Variants in SGCZ observed in about 807,000 individuals in gnomAD.
SGCZ encodes the protein zeta-sarcoglycan.
In SGCZ, 40 loss-of-function variants were observed where a neutral mutation model predicts 41.3. The ratio of observed to expected loss-of-function variants is 0.97; its 90% CI spans 0.75 to 1.26. SGCZ has a LOEUF of 1.26. SGCZ is among the 50% of genes most tolerant of loss of function. SGCZ has a pLI of 0.00. For synonymous variants in SGCZ, 206 were observed against 137.5 expected (o/e 1.50, Z -3.49); for missense variants, 552 against 369.8 (o/e 1.49, Z -4.04).
At chr8:15,209,994 T>A (rs574120030) in intron 1 of SGCZ, among the ~76,000 whole-genome samples, 95 of 152,264 alleles carry the variant, frequency 6.2e-4, no homozygotes, top group South Asian at 2.1e-3. Context: ...ATTTAAAAAA[T>A]CATTTCTCTT....
intron 5 of SGCZ, among the ~76,000 whole-genome samples, chr8:14,144,027 C>A (rs1033714499): frequency 1.3e-5 from 2 of 152,086 alleles, no homozygotes; most frequent in African/African-American, 4.8e-5. Context: ...CTCTGTGTCT[C>A]CAAATAAACT....
intron 2 of SGCZ, among the ~76,000 whole-genome samples, chr8:14,449,655 G>C (rs1800535113): frequency 6.6e-6 from 1 of 152,104 alleles, no homozygotes; most frequent in Admixed American, 6.6e-5. Context: ...TAGATCTAAA[G>C]ATAGACCCCG....
intron 2 of SGCZ, among the ~76,000 whole-genome samples, chr8:14,439,096 A>C (rs1800171907): frequency 6.6e-6 from 1 of 152,008 alleles, no homozygotes; most frequent in African/African-American, 2.4e-5. Context: ...GATAACATCA[A>C]GGAGGAAAAG....
At chr8:14,652,208 G>A (rs998273717) in intron 1 of SGCZ, among the ~76,000 whole-genome samples, 1 of 151,442 alleles carries the variant, frequency 6.6e-6, no homozygotes, top group African/African-American at 2.4e-5. Flanking sequence ...GGGCGTGGTG[G>A]CGAATGCATG....
chr8:14,195,195 G>A (rs1314930981), intron 4 of SGCZ, among the ~76,000 whole-genome samples: 39 of 152,016 alleles, frequency 2.6e-4, no homozygotes, highest in Admixed American at 2.6e-3. Flanking sequence ...TTAAAAACAT[G>A]TATTATAACT....
rs552745803 is a variant in SGCZ at position 14,936,828 on chromosome 8, TA to T, written c.39+300756del. Among the ~76,000 whole-genome samples the T allele has an allele frequency of 4.1e-3, 616 of 151,894 alleles. 4 individuals are homozygous for T. Among genetic ancestry groups the T allele is most frequent in the African/African-American group, 0.014 (601 of 41,508 alleles). ...TAATGATTCAAAAAACAAATCAAGA[TA>T]AAAATAAAATCTCAAAATATTCCAT... On this transcript the variant is annotated intron_variant, in intron 1 of 7. Coordinates refer to ENST00000382080, the MANE Select transcript of SGCZ (RefSeq NM_139167.4).
chr8:14,122,234 G>T (rs1363189240), intron 5 of SGCZ, among the ~76,000 whole-genome samples: 1 of 152,078 alleles, frequency 6.6e-6, no homozygotes, highest in Non-Finnish European at 1.5e-5. Context: ...CTGAGATTGC[G>T]CCACTGCACT....
chr8:15,034,705 G>A (rs566530937), intron 1 of SGCZ, among the ~76,000 whole-genome samples: 2 of 152,178 alleles, frequency 1.3e-5, no homozygotes, highest in African/African-American at 4.8e-5. Context: ...GACCCTGAAA[G>A]CAGCATGAGA....
intron 1 of SGCZ, among the ~76,000 whole-genome samples, chr8:14,930,491 T>C (rs939005635): frequency 1.3e-5 from 2 of 152,048 alleles, no homozygotes; most frequent in Non-Finnish European, 2.9e-5. Context: ...ACTGGGTATA[T>C]ACCCAAAGGA....
At chr8:14,545,906 G>A (rs946745429) in intron 2 of SGCZ, among the ~76,000 whole-genome samples, 3 of 152,094 alleles carry the variant, frequency 2.0e-5, no homozygotes, top group Non-Finnish European at 4.4e-5. Flanking sequence ...TTTATCTTAT[G>A]CCACAATTCT....
intron 2 of SGCZ, among the ~76,000 whole-genome samples, chr8:14,328,494 T>C (rs762990652): frequency 6.6e-6 from 1 of 152,174 alleles, no homozygotes; most frequent in African/African-American, 2.4e-5. Context: ...AAGTTATGTG[T>C]CTATGATAAA....
chr8:14,634,011 T>C (rs185059051), intron 1 of SGCZ, among the ~76,000 whole-genome samples: 2 of 152,044 alleles, frequency 1.3e-5, no homozygotes, highest in African/African-American at 4.8e-5. Flanking sequence ...ATGATTCTAA[T>C]ACATTTTCCA....
intron 1 of SGCZ, among the ~76,000 whole-genome samples, chr8:15,049,821 G>A (rs560122479): frequency 5.9e-5 from 9 of 152,136 alleles, no homozygotes; most frequent in African/African-American, 2.2e-4. Context: ...TAAGTCTCAT[G>A]AGATCTGATG....
chr8:14,831,399 C>G (rs375537911), intron 1 of SGCZ, among the ~76,000 whole-genome samples: 2 of 152,264 alleles, frequency 1.3e-5, no homozygotes, highest in East Asian at 3.9e-4. Flanking sequence ...CTGGGGCTAC[C>G]ATGACTCCAC....
In SGCZ at chr8:14,708,271, T is replaced by A. The variant is rs145641252; in HGVS notation, c.40-153345A>T. 1.8e-3 allele frequency among the ~76,000 whole-genome samples: 279 copies of A among 152,190 alleles called. 3 individuals are homozygous for A. In the East Asian group the frequency reaches 0.021, roughly 11 times the overall value. On this transcript the variant is annotated intron_variant, in intron 1 of 7. Transcript: ENST00000382080. ...ACATTCAATTTCTTCACGTTAGGTA[T>A]GCAGTTGTGCCTTTTTCATAGAATA...
At chr8:15,158,166 C>T (rs546606927) in intron 1 of SGCZ, among the ~76,000 whole-genome samples, 1 of 147,148 alleles carries the variant, frequency 6.8e-6, no homozygotes, top group South Asian at 2.2e-4. Context: ...TAGTTTGCCA[C>T]AAAAAAAAAA....
At position 14,090,363 on chromosome 8, in the gene SGCZ, C is replaced by A. The variant is rs747506148; in HGVS notation, c.*80G>T. 17 of 1,487,318 alleles carry A rather than the reference C, an allele frequency of 1.1e-5. No homozygotes were observed. Among genetic ancestry groups the A allele is most frequent in the Non-Finnish European group, 1.4e-5 (15 of 1,103,108 alleles). The allele number at this position is 1,487,318 out of a possible 1,614,324, so 92.1% of individuals were successfully genotyped here. A position where few individuals can be genotyped will look rare whatever the true frequency, so the allele number is the denominator to read the frequency against. On this transcript the variant is annotated 3_prime_UTR_variant, in exon 8 of 8. Transcript: ENST00000382080. ...CCATTCGAAGAAGCTCTGGACTGAT[C>A]ACAAGGGAAACCGAGCAGAACTGTG...
At chr8:14,766,571 T>G (rs1800041827) in intron 1 of SGCZ, among the ~76,000 whole-genome samples, 1 of 151,902 alleles carries the variant, frequency 6.6e-6, no homozygotes, top group South Asian at 2.1e-4. Flanking sequence ...ATATATATTT[T>G]TTCTTCTTTA....
At chr8:14,408,824 G>C (rs755926007) in intron 2 of SGCZ, among the ~76,000 whole-genome samples, 7 of 151,936 alleles carry the variant, frequency 4.6e-5, no homozygotes, top group African/African-American at 7.3e-5. Context: ...ATACTTTCCT[G>C]GTTTCAGGTT....
Sources: allele counts gnomAD v4.1 joint callset (sites outside exome capture counted in the v4.1 genomes callset), GRCh38; gene constraint gnomAD v4.1.1; transcripts MANE v1.5; gene names NCBI Gene and HGNC (gene_info 2026-07-23, HGNC 2026-07-21).